Variants in ANKFN1 observed in about 807,000 individuals in gnomAD.
The protein encoded by ANKFN1 is ankyrin repeat and fibronectin type-III domain-containing protein 1.
In ANKFN1, 74 loss-of-function variants were observed where a neutral mutation model predicts 108.7. That is an observed-to-expected ratio of 0.68 (90% CI 0.56 to 0.83). The LOEUF (loss-of-function observed/expected upper bound fraction) is 0.83, where lower values mean the gene tolerates loss of function less well. Among genes scored for constraint, ANKFN1 ranks in the 40% least tolerant of loss-of-function variants. The pLI is 0.00. For missense variants in ANKFN1, 1,505 were observed against 1,382.3 expected, an observed-to-expected ratio of 1.09 and a Z score of -1.41; for synonymous variants, 547 against 516.2, an observed-to-expected ratio of 1.06 and a Z score of -0.81.
At chr17:56,114,002 G>A (rs796165440) in intron 4 of ANKFN1, among the ~76,000 whole-genome samples, 18 of 152,248 alleles carry the variant, frequency 1.2e-4, no homozygotes, top group African/African-American at 3.9e-4. Context: ...CAAAAATTTC[G>A]TTGCGTAGAT....
chr17:56,048,818 T>C (rs1904724702), intron 4 of ANKFN1, among the ~76,000 whole-genome samples: 1 of 152,240 alleles, frequency 6.6e-6, no homozygotes, highest in African/African-American at 2.4e-5. Flanking sequence ...TTGGGGCCTC[T>C]GTCTTCCTTC....
chr17:56,467,802 GAAAGAAAGAAAGA>G (rs2050161750), intron 15 of ANKFN1, among the ~76,000 whole-genome samples: 27 of 31,286 alleles, frequency 8.6e-4, no homozygotes, highest in African/African-American at 2.0e-3. Flanking sequence ...AAGAAAGAAA[GAAAGAAAGAAAGA>G]AAGAAAGAAA....
intron 4 of ANKFN1, among the ~76,000 whole-genome samples, chr17:56,115,118 A>G (rs768671773): frequency 3.9e-5 from 6 of 152,258 alleles, no homozygotes; most frequent in Non-Finnish European, 7.3e-5. Flanking sequence ...TTACAGCAGC[A>G]ATAGAAAACT....
intron 15 of ANKFN1, among the ~76,000 whole-genome samples, chr17:56,475,614 T>C (rs962855793): frequency 6.6e-6 from 1 of 152,320 alleles, no homozygotes; most frequent in Middle Eastern, 3.4e-3. Context: ...TTTTCATTAG[T>C]ATTATTTTAA....
chr17:56,120,238 G>A (rs187664494), intron 4 of ANKFN1, among the ~76,000 whole-genome samples: 30 of 152,156 alleles, frequency 2.0e-4, no homozygotes, highest in African/African-American at 7.2e-4. Flanking sequence ...GCCATTCACA[G>A]CCCTGGGCTT....
chr17:56,316,374 ATG>A (rs751901872), intron 3 of ANKFN1, among the ~76,000 whole-genome samples: 8 of 152,144 alleles, frequency 5.3e-5, no homozygotes, highest in African/African-American at 9.7e-5. Flanking sequence ...CATTTGTAAA[ATG>A]GAGGAGGTAT....
At chr17:56,229,560 C>G (rs1350127508) in intron 3 of ANKFN1, among the ~76,000 whole-genome samples, 1 of 150,310 alleles carries the variant, frequency 6.7e-6, no homozygotes, top group Non-Finnish European at 1.5e-5. Flanking sequence ...CAATTTAAGG[C>G]CGCATTTTAA....
intron 10 of ANKFN1, among the ~76,000 whole-genome samples, chr17:56,447,785 T>A (rs1016317168): frequency 1.3e-5 from 2 of 152,210 alleles, no homozygotes; most frequent in African/African-American, 2.4e-5. Flanking sequence ...CTCGCAAATA[T>A]CCTGCAAAGT....
intron 1 of ANKFN1, among the ~76,000 whole-genome samples, chr17:56,155,132 A>G (rs957468944): frequency 2.6e-5 from 4 of 152,212 alleles, no homozygotes; most frequent in Non-Finnish European, 4.4e-5. Context: ...CAGAGGAGGA[A>G]GTAGAGCAAA....
chr17:56,303,752 T>A (rs2044737285), intron 3 of ANKFN1, among the ~76,000 whole-genome samples: 1 of 152,000 alleles, frequency 6.6e-6, no homozygotes, highest in Non-Finnish European at 1.5e-5. Flanking sequence ...TGGCACAATC[T>A]CAGCTCACTG....
chr17:56,237,731 C>T (rs1348660213), intron 3 of ANKFN1, among the ~76,000 whole-genome samples: 2 of 151,750 alleles, frequency 1.3e-5, no homozygotes, highest in Non-Finnish European at 2.9e-5. Flanking sequence ...AACAAACCAA[C>T]TCCTGGATCT....
intron 8 of ANKFN1, among the ~76,000 whole-genome samples, chr17:56,382,875 T>C (rs1365858255): frequency 6.6e-6 from 1 of 152,054 alleles, no homozygotes; most frequent in Non-Finnish European, 1.5e-5. Flanking sequence ...CACACAATAA[T>C]AATGGGAGAC....
At chr17:56,188,926 A>G (rs1912569333) in intron 1 of ANKFN1, among the ~76,000 whole-genome samples, 3 of 152,068 alleles carry the variant, frequency 2.0e-5, no homozygotes, top group South Asian at 4.1e-4. Flanking sequence ...AGGAGAGCAT[A>G]GGGACTGGAG....
At chr17:56,067,115 G>C (rs1289289531) in intron 4 of ANKFN1, among the ~76,000 whole-genome samples, 1 of 152,066 alleles carries the variant, frequency 6.6e-6, no homozygotes, top group Non-Finnish European at 1.5e-5. Context: ...GCAGAACCCG[G>C]GAGGCAGAGG....
In ANKFN1 at chr17:56,267,971, T is replaced by C. The variant is rs538668777; in HGVS notation, c.53+40014T>C. On this transcript the variant is annotated intron_variant, in intron 3 of 20. Transcript: ENST00000682825. ...ATAGAAATAGCGCTGAATCTGTAAATTATTTCAGGAAGTATGGCTGCTTTA... is the reference window on the plus strand; with the variant it reads ...ATAGAAATAGCGCTGAATCTGTAAACTATTTCAGGAAGTATGGCTGCTTTA... Among the ~76,000 whole-genome samples the C allele has an allele frequency of 9.2e-5, 14 of 152,296 alleles. No individual in the cohort carries two copies. In the East Asian group the frequency reaches 1.5e-3, roughly 17 times the overall value.
chr17:56,189,191 G>A (rs1396483214), intron 1 of ANKFN1, among the ~76,000 whole-genome samples: 1 of 14,546 alleles, frequency 6.9e-5, no homozygotes, highest in Non-Finnish European at 1.1e-4. Flanking sequence ...TTTTTTTTGA[G>A]ACGGAGTCTC....
intron 4 of ANKFN1, among the ~76,000 whole-genome samples, chr17:56,064,594 A>T (rs1322292293): frequency 1.3e-5 from 2 of 152,190 alleles, no homozygotes; most frequent in African/African-American, 2.4e-5. Flanking sequence ...CCAGCAGGGG[A>T]AAAGCACAGC....
At chr17:56,434,427 C>A (rs569095090) in intron 8 of ANKFN1, among the ~76,000 whole-genome samples, 2 of 151,198 alleles carry the variant, frequency 1.3e-5, no homozygotes, top group East Asian at 3.9e-4. Context: ...GATGAAAAAG[C>A]CTTTTGCCCT....
intron 4 of ANKFN1, among the ~76,000 whole-genome samples, chr17:56,080,796 G>T (rs932716563): frequency 1.3e-5 from 2 of 152,220 alleles, no homozygotes; most frequent in Non-Finnish European, 2.9e-5. Context: ...GACATAGAAA[G>T]TGTGTGTTTT....
Sources: gnomAD v4.1 joint callset for allele counts (sites outside exome capture counted in the v4.1 genomes callset) on GRCh38, gnomAD v4.1.1 for gene constraint, MANE v1.5 for transcripts, NCBI Gene and HGNC (gene_info 2026-07-23, HGNC 2026-07-21) for gene names.